PRKCA: variants seen among roughly 807,000 people sequenced by gnomAD.
The protein encoded by PRKCA is protein kinase C alpha type.
A neutral mutation model predicts 87.0 loss-of-function variants in PRKCA; 27 were observed. The ratio of observed to expected loss-of-function variants is 0.31; its 90% CI spans 0.23 to 0.43. The LOEUF (loss-of-function observed/expected upper bound fraction) is 0.43. Ranked by LOEUF, PRKCA falls within the 20% of genes least tolerant of loss-of-function variation. The probability of loss-of-function intolerance (pLI) is 1.00; values close to 1 mark genes in which losing one functional copy is unlikely to be tolerated. For missense variants in PRKCA, 518 were observed against 852.3 expected, an observed-to-expected ratio of 0.61 and a Z score of 4.88; for synonymous variants, 329 against 311.1, an observed-to-expected ratio of 1.06 and a Z score of -0.61.
At chr17:66,751,434 G>A (rs1243640480) in intron 13 of PRKCA, among the ~76,000 whole-genome samples, 2 of 152,170 alleles carry the variant, frequency 1.3e-5, no homozygotes, top group Non-Finnish European at 2.9e-5. Context: ...CCACCTCAGT[G>A]TATCACTTAT....
At chr17:66,649,086 A>T (rs2143835082) in intron 5 of PRKCA, among the ~76,000 whole-genome samples, 1 of 150,240 alleles carries the variant, frequency 6.7e-6, no homozygotes, top group Non-Finnish European at 1.5e-5. Flanking sequence ...CGACAGAGCG[A>T]GAGTCCATCT....
intron 2 of PRKCA, among the ~76,000 whole-genome samples, chr17:66,374,653 G>T (rs887475997): frequency 6.6e-5 from 10 of 151,622 alleles, no homozygotes; most frequent in African/African-American, 2.4e-4. Context: ...GGGGAGGGAT[G>T]TGATGACTTA....
At chr17:66,777,871 TCCTC>T in intron 14 of PRKCA, 1 of 985,362 alleles carries the variant, frequency 1.0e-6, no homozygotes. Context: ...AGGAAAGTCC[TCCTC>T]CCTCCCGCAG....
At chr17:66,584,881 G>A (rs964196397) in intron 3 of PRKCA, among the ~76,000 whole-genome samples, 1 of 152,108 alleles carries the variant, frequency 6.6e-6, no homozygotes, top group African/African-American at 2.4e-5. Flanking sequence ...AAGTGGCATT[G>A]TTCGTCTGGG....
At chr17:66,617,543 G>T (rs772364006) in intron 3 of PRKCA, among the ~76,000 whole-genome samples, 9 of 152,142 alleles carry the variant, frequency 5.9e-5, no homozygotes, top group Non-Finnish European at 1.2e-4. Flanking sequence ...TTATGCATGG[G>T]CTGGCTTGGA....
chr17:66,778,851 A>C (rs1159695285), intron 14 of PRKCA, among the ~76,000 whole-genome samples: 1 of 151,910 alleles, frequency 6.6e-6, no homozygotes, highest in African/African-American at 2.4e-5. Flanking sequence ...TCTCCAAAAA[A>C]AAAAAAAAAA....
At chr17:66,761,649 C>A (rs918383426) in intron 13 of PRKCA, among the ~76,000 whole-genome samples, 2 of 151,802 alleles carry the variant, frequency 1.3e-5, no homozygotes, top group African/African-American at 4.8e-5. Flanking sequence ...GTCTTGAACT[C>A]CTGACCTCAA....
chr17:66,374,270 C>A (rs988162259), intron 2 of PRKCA, among the ~76,000 whole-genome samples: 2 of 152,186 alleles, frequency 1.3e-5, no homozygotes, highest in Admixed American at 6.5e-5. Context: ...GCCCATGTGT[C>A]CCCGCTTTGC....
intron 3 of PRKCA, among the ~76,000 whole-genome samples, chr17:66,509,994 T>C (rs1040739113): frequency 1.3e-5 from 2 of 152,192 alleles, no homozygotes; most frequent in African/African-American, 4.8e-5. Flanking sequence ...ACCCACCTTA[T>C]TTTGTTGTCG....
chr17:66,478,764 C>T (rs1915644906), intron 2 of PRKCA, among the ~76,000 whole-genome samples: 1 of 152,034 alleles, frequency 6.6e-6, no homozygotes, highest in Admixed American at 6.5e-5. Flanking sequence ...CCCCGTATCA[C>T]GTTGGTCTGT....
In PRKCA at chr17:66,562,106, TTA is replaced by T. The variant is rs1188490239; in HGVS notation, c.288+65832_288+65833del. Among the ~76,000 whole-genome samples, 184 of 105,866 alleles carry T rather than the reference TTA, an allele frequency of 1.7e-3. 2 individuals are homozygous for T. Among genetic ancestry groups the T allele is most frequent in the African/African-American group, 6.0e-3 (156 of 25,926 alleles). 69.5% of individuals were successfully genotyped at this position (105,866 alleles called of 152,430 possible). On this transcript the variant is annotated intron_variant, in intron 3 of 16. Coordinates refer to ENST00000413366, the MANE Select transcript of PRKCA (RefSeq NM_002737.3). ...ATATAATTAAATATATATAATTAAA[TTA>T]TATATATAATTAAATATATATAATT... is the stretch of plus-strand genomic sequence containing the variant.
chr17:66,534,594 G>C (rs1042339605), intron 3 of PRKCA, among the ~76,000 whole-genome samples: 4 of 152,170 alleles, frequency 2.6e-5, no homozygotes, highest in Non-Finnish European at 5.9e-5. Context: ...GTGAACCCGG[G>C]AGGCGGAGCT....
intron 2 of PRKCA, among the ~76,000 whole-genome samples, chr17:66,337,996 A>G (rs1053276900): frequency 6.7e-6 from 1 of 150,224 alleles, no homozygotes; most frequent in Non-Finnish European, 1.5e-5. Context: ...GAACCTGGGA[A>G]TCTTCCCCCC....
At chr17:66,781,887 A>AGT (rs749824745) in intron 14 of PRKCA, among the ~76,000 whole-genome samples, 22,727 of 125,184 alleles carry the variant, frequency 0.18, 1,872 homozygotes, top group East Asian at 0.32. Context: ...ATATATATAT[A>AGT]GTGTGTGTGT....
At chr17:66,536,992 A>G (rs1967812755) in intron 3 of PRKCA, among the ~76,000 whole-genome samples, 2 of 152,218 alleles carry the variant, frequency 1.3e-5, no homozygotes, top group Non-Finnish European at 2.9e-5. Context: ...CTTTGTGTAG[A>G]TCACCCCAGT....
At chr17:66,492,122 T>C (rs1162259794) in intron 2 of PRKCA, among the ~76,000 whole-genome samples, 2 of 152,258 alleles carry the variant, frequency 1.3e-5, no homozygotes, top group East Asian at 3.8e-4. Flanking sequence ...ATAACGTGTC[T>C]ATGAGTGGCT....
chr17:66,355,292 C>G (rs542233799), intron 2 of PRKCA, among the ~76,000 whole-genome samples: 1 of 152,296 alleles, frequency 6.6e-6, no homozygotes, highest in Admixed American at 6.5e-5. Flanking sequence ...AATGAAAACT[C>G]AGGGAAGTGC....
intron 1 of PRKCA, among the ~76,000 whole-genome samples, chr17:66,303,265 G>A (rs987840185): frequency 3.3e-5 from 5 of 151,982 alleles, no homozygotes; most frequent in Admixed American, 6.5e-5. Context: ...GGCCCCGTAC[G>A]GTGGCGAAGG....
intron 2 of PRKCA, among the ~76,000 whole-genome samples, chr17:66,339,135 G>A (rs1906885147): frequency 6.6e-6 from 1 of 152,178 alleles, no homozygotes; most frequent in Admixed American, 6.5e-5. Flanking sequence ...AAGGGTAACT[G>A]TTACAGTATC....
Sources: gnomAD v4.1 joint callset for allele counts (sites outside exome capture counted in the v4.1 genomes callset) on GRCh38, gnomAD v4.1.1 for gene constraint, MANE v1.5 for transcripts, NCBI Gene and HGNC (gene_info 2026-07-23, HGNC 2026-07-21) for gene names.